The following FAM135A variants were observed in gnomAD, a reference collection of about 807,000 sequenced individuals.
FAM135A encodes protein FAM135A.
In FAM135A, 79 loss-of-function variants were observed where a neutral mutation model predicts 146.8. That is an observed-to-expected ratio of 0.54 (90% CI 0.45 to 0.65). FAM135A has a LOEUF of 0.65. Ranked by LOEUF, FAM135A falls within the 30% of genes least tolerant of loss-of-function variation. FAM135A has a pLI of 0.00. For missense variants in FAM135A, 1,623 were observed against 1,758.2 expected, an observed-to-expected ratio of 0.92 and a Z score of 1.38; for synonymous variants, 562 against 603.6, an observed-to-expected ratio of 0.93 and a Z score of 1.01.
rs2128360091 is a variant in FAM135A at position 70,526,318 on chromosome 6, GCAGGAA to G, written c.3240_3245del (p.Glu1080_Gln1081del). On this transcript the variant is annotated inframe_deletion, in exon 15 of 22. Coordinates refer to ENST00000418814, the MANE Select transcript of FAM135A (RefSeq NM_001162529.3). Reference sequence around the variant, plus strand: ...CTGAAAAAGAAATTAGTAATCTTCAGCAGGAACAGGATAAAGAGGATGAGGAGGAAG... The same window carrying G: ...CTGAAAAAGAAATTAGTAATCTTCAGCAGGATAAAGAGGATGAGGAGGAAG... 2 of 1,613,224 alleles carry G rather than the reference GCAGGAA, an allele frequency of 1.2e-6. No individual in the cohort carries two copies. The highest frequency in any genetic ancestry group is 4.5e-5 in the East Asian group (2 of 44,836).
chr6:70,418,778 C>G (rs1293061063), intron 2 of FAM135A, among the ~76,000 whole-genome samples: 1 of 152,194 alleles, frequency 6.6e-6, no homozygotes, highest in Non-Finnish European at 1.5e-5. Context: ...CTCAGATAGT[C>G]GGGCTGAACC....
At chr6:70,473,076 G>C (rs1374132033) in intron 5 of FAM135A, among the ~76,000 whole-genome samples, 1 of 151,998 alleles carries the variant, frequency 6.6e-6, no homozygotes, top group Admixed American at 6.6e-5. Context: ...ACAGATTTCT[G>C]TTTACTCAAT....
At chr6:70,457,487 A>G (rs1235473631) in intron 5 of FAM135A, among the ~76,000 whole-genome samples, 1 of 152,098 alleles carries the variant, frequency 6.6e-6, no homozygotes, top group Non-Finnish European at 1.5e-5. Flanking sequence ...CTGACATTTT[A>G]TTTTCCAAAT....
At chr6:70,473,981 C>A (rs1033645217) in intron 5 of FAM135A, among the ~76,000 whole-genome samples, 2 of 152,170 alleles carry the variant, frequency 1.3e-5, no homozygotes, top group African/African-American at 4.8e-5. Context: ...GCTTGGGCTC[C>A]CAATACCTTA....
chr6:70,428,442 G>T (rs762436157), intron 4 of FAM135A, 23 bp downstream of exon 4: 35 of 1,526,438 alleles, frequency 2.3e-5, no homozygotes, highest in Non-Finnish European at 3.1e-5. Flanking sequence ...TTGTGAAAAT[G>T]ATATATTTTG....
At chr6:70,557,166 T>A in intron 21 of FAM135A, 1 of 468,126 alleles carries the variant, frequency 2.1e-6, no homozygotes, top group Non-Finnish European at 3.8e-6. Context: ...CCTTGTCATA[T>A]GTTCTGCTGT....
intron 5 of FAM135A, among the ~76,000 whole-genome samples, chr6:70,473,473 A>G (rs73482553): frequency 0.046 from 7,036 of 152,256 alleles, 360 homozygotes; most frequent in African/African-American, 0.11. Context: ...CAGTACTCTC[A>G]GTTTCAATCC....
In FAM135A at chr6:70,480,980, G is replaced by A. The variant is rs1438262039; in HGVS notation, c.622G>A (p.Glu208Lys). 6.2e-7 allele frequency: 1 copy of A among 1,612,378 alleles called. No individual in the cohort carries two copies. ...CAAAGATTCCGTGATTCCTACTCTT[G>A]AAAGTGTGGTCTTTGGTATTAACTA... ...QNKDSVIPTL[E>K]SVVFGINYTK... The change falls in exon 9 of 22, where the codon GAA becomes AAA. Residue 208 changes from glutamate (E) to lysine (K), a missense_variant. Coordinates refer to ENST00000418814, the MANE Select transcript of FAM135A (RefSeq NM_001162529.3).
intron 20 of FAM135A, among the ~76,000 whole-genome samples, chr6:70,554,122 A>G (rs1481506487): frequency 6.6e-6 from 1 of 152,206 alleles, no homozygotes; most frequent in Non-Finnish European, 1.5e-5. Flanking sequence ...AGATACAAAA[A>G]TGATAATTAG....
At chr6:70,517,222 A>G (rs1011661916) in intron 12 of FAM135A, among the ~76,000 whole-genome samples, 4 of 152,150 alleles carry the variant, frequency 2.6e-5, no homozygotes, top group Non-Finnish European at 4.4e-5. Flanking sequence ...AACCACATCT[A>G]GCACTTCCAG....
chr6:70,436,143 C>T (rs1158805555), intron 4 of FAM135A, among the ~76,000 whole-genome samples: 1 of 149,774 alleles, frequency 6.7e-6, no homozygotes, highest in East Asian at 2.0e-4. Context: ...GAGATCGTGC[C>T]ACTGCACTCC....
intron 4 of FAM135A, among the ~76,000 whole-genome samples, chr6:70,450,758 T>TTTTTTTTTG (rs1776898171): frequency 8.3e-6 from 1 of 120,544 alleles, no homozygotes; most frequent in Non-Finnish European, 1.7e-5. Context: ...TTTTTTTTTT[T>TTTTTTTTTG]GAGTCAGAGT....
chr6:70,526,431 A>C lies in FAM135A; in HGVS notation c.3347A>C (p.Tyr1116Ser). Reference protein sequence around the residue: ...SALDGTINAHYTSRDELMEER... With the variant: ...SALDGTINAHSTSRDELMEER... ...TTGGATGGAACAATAAATGCTCACTATACAAGCAGAGATGAACTAATGGAA... is the reference window on the plus strand; with the variant it reads ...TTGGATGGAACAATAAATGCTCACTCTACAAGCAGAGATGAACTAATGGAA... Residue 1116 changes from tyrosine to serine, a missense_variant, in exon 15 of 22, where the codon TAT (tyrosine) becomes TCT (serine). By Grantham distance (144) the Tyr-to-Ser change is moderately radical (BLOSUM62 -2). Coordinates refer to ENST00000418814, the MANE Select transcript of FAM135A (RefSeq NM_001162529.3). 1 of 1,613,666 alleles carries C rather than the reference A, an allele frequency of 6.2e-7. No homozygotes were observed.
chr6:70,433,129 C>CGGT (rs1471858360), intron 4 of FAM135A, among the ~76,000 whole-genome samples: 1 of 150,192 alleles, frequency 6.7e-6, no homozygotes, highest in African/African-American at 2.5e-5. Context: ...GGCTGGAGTG[C>CGGT]GGTGGCTTGA....
In FAM135A at chr6:70,548,991, G is replaced by A. The variant is rs534798042; in HGVS notation, c.4229-7759G>A. ...AATAAGTTAATCATTTTTGCCATTA[G>A]GTTGGTAAAATTTAAAAGATGCTAT... On this transcript the variant is annotated intron_variant, in intron 20 of 21. Transcript: ENST00000418814. Among the ~76,000 whole-genome samples the A allele has an allele frequency of 3.3e-5, 5 of 152,136 alleles. No homozygotes were observed. In the South Asian group the frequency reaches 1.0e-3, roughly 32 times the overall value.
At position 70,479,575 on chromosome 6, in the gene FAM135A, A is replaced by G. The variant is rs111227152; in HGVS notation, c.543-1326A>G. On this transcript the variant is annotated intron_variant, in intron 8 of 21. Coordinates refer to ENST00000418814, the MANE Select transcript of FAM135A (RefSeq NM_001162529.3). ...AATGAAAGGTTGGAAAAGGAAAGCA[A>G]GGAAAGGGGAAGGGGAAGCTTTTTG... is the stretch of plus-strand genomic sequence containing the variant. Among the ~76,000 whole-genome samples the G allele has an allele frequency of 7.9e-3, 1,196 of 152,264 alleles. 10 individuals are homozygous for G. Among genetic ancestry groups the G allele is most frequent in the Non-Finnish European group, 0.013 (876 of 68,012 alleles).
At chr6:70,482,794 A>G (rs1442110112) in intron 10 of FAM135A, among the ~76,000 whole-genome samples, 2 of 152,114 alleles carry the variant, frequency 1.3e-5, no homozygotes, top group African/African-American at 4.8e-5. Context: ...ATTATTTCAC[A>G]GAAGATAAAT....
At chr6:70,485,130 A>G (rs1258565468) in intron 10 of FAM135A, among the ~76,000 whole-genome samples, 1 of 152,202 alleles carries the variant, frequency 6.6e-6, no homozygotes, top group Non-Finnish European at 1.5e-5. Context: ...TAAAATTACT[A>G]GTACCTTACA....
At chr6:70,558,903 C>T (rs756036636) in intron 21 of FAM135A, among the ~76,000 whole-genome samples, 1 of 152,182 alleles carries the variant, frequency 6.6e-6, no homozygotes, top group Non-Finnish European at 1.5e-5. Context: ...GATCATGTTA[C>T]TTGAGCCAAG....
Sources: allele counts gnomAD v4.1 joint callset (sites outside exome capture counted in the v4.1 genomes callset), GRCh38; gene constraint gnomAD v4.1.1; transcripts MANE v1.5; gene names NCBI Gene and HGNC (gene_info 2026-07-23, HGNC 2026-07-21).